The following TRPM3 variants were observed in gnomAD, a reference collection of about 807,000 sequenced individuals.
TRPM3 encodes transient receptor potential cation channel subfamily M member 3.
Under a neutral mutation model 181.2 loss-of-function variants are expected in TRPM3, and 77 were observed. The observed-to-expected ratio is 0.42, with a 90% CI of 0.35 to 0.51. The LOEUF (loss-of-function observed/expected upper bound fraction) is 0.51. Ranked by LOEUF, TRPM3 falls within the 20% of genes least tolerant of loss-of-function variation. TRPM3 has a pLI of 0.01. For missense variants in TRPM3, 1,759 were observed against 2,196.7 expected (o/e 0.80, Z 3.98); for synonymous variants, 745 against 796.4 (o/e 0.94, Z 1.09).
chr9:70,675,400 T>G (rs1407114413), intron 9 of TRPM3, among the ~76,000 whole-genome samples: 1 of 152,208 alleles, frequency 6.6e-6, no homozygotes, highest in African/African-American at 2.4e-5. Flanking sequence ...CAGGCCCATG[T>G]TATTTTTAAA....
At chr9:71,400,383 C>CA (rs1450911319) in intron 1 of TRPM3, among the ~76,000 whole-genome samples, 3 of 152,248 alleles carry the variant, frequency 2.0e-5, no homozygotes, top group Middle Eastern at 3.4e-3. Context: ...GTATTATACT[C>CA]AAAGTTTACT....
At chr9:71,183,558 C>G (rs1367207370) in intron 1 of TRPM3, among the ~76,000 whole-genome samples, 2 of 152,122 alleles carry the variant, frequency 1.3e-5, no homozygotes, top group African/African-American at 2.4e-5. Flanking sequence ...TTATTATATA[C>G]TAACCTATTC....
rs915976550 is a variant in TRPM3, at chr9:70,659,174, A to G, written c.1346-18514T>C. ...CACAACTGGAGAACCTGGTTATTTT[A>G]CCAAGACTTTGACTGGAATGGTGTG... On this transcript the variant is annotated intron_variant, in intron 9 of 25. Transcript: ENST00000677713. Among the ~76,000 whole-genome samples, 8 of 152,260 alleles carry G rather than the reference A, an allele frequency of 5.3e-5. No homozygotes were observed. In the East Asian group the frequency reaches 9.7e-4, roughly 18 times the overall value.
At chr9:71,373,411 A>G (rs772967659) in intron 1 of TRPM3, among the ~76,000 whole-genome samples, 5 of 151,974 alleles carry the variant, frequency 3.3e-5, no homozygotes, top group Non-Finnish European at 5.9e-5. Flanking sequence ...AGAGAGAAGA[A>G]TCAAATAAAC....
At chr9:70,696,044 CTGCT>C (rs2070298686) in intron 8 of TRPM3, among the ~76,000 whole-genome samples, 1 of 152,202 alleles carries the variant, frequency 6.6e-6, no homozygotes, top group Non-Finnish European at 1.5e-5. Flanking sequence ...ACTCCAGACA[CTGCT>C]TGCTTCAAAA....
intron 1 of TRPM3, among the ~76,000 whole-genome samples, chr9:71,105,901 C>A (rs1186871865): frequency 1.3e-5 from 2 of 152,118 alleles, no homozygotes; most frequent in Admixed American, 6.5e-5. Flanking sequence ...CATTAAAGAA[C>A]TTTCTAGGGT....
At chr9:71,330,959 A>C (rs1392569466) in intron 1 of TRPM3, among the ~76,000 whole-genome samples, 1 of 151,888 alleles carries the variant, frequency 6.6e-6, no homozygotes, top group Non-Finnish European at 1.5e-5. Flanking sequence ...CTGGGTCTCA[A>C]AAAACAGATT....
At chr9:71,020,493 A>G (rs80097022) in intron 1 of TRPM3, among the ~76,000 whole-genome samples, 2 of 151,838 alleles carry the variant, frequency 1.3e-5, no homozygotes, top group East Asian at 3.9e-4. Context: ...AAAAAAAAAA[A>G]TTCTGCTCAC....
intron 1 of TRPM3, among the ~76,000 whole-genome samples, chr9:71,079,935 C>A (rs1388623117): frequency 6.6e-6 from 1 of 152,116 alleles, no homozygotes; most frequent in African/African-American, 2.4e-5. Flanking sequence ...CTTTGGGAGG[C>A]CAAGGCGGGC....
At chr9:71,384,134 C>A (rs1472631909) in intron 1 of TRPM3, among the ~76,000 whole-genome samples, 2 of 152,134 alleles carry the variant, frequency 1.3e-5, no homozygotes, top group East Asian at 3.8e-4. Flanking sequence ...TGTTCATATA[C>A]ATCAGAAAAC....
chr9:71,181,290 T>C (rs1209111025), intron 1 of TRPM3, among the ~76,000 whole-genome samples: 1 of 152,080 alleles, frequency 6.6e-6, no homozygotes, highest in Non-Finnish European at 1.5e-5. Flanking sequence ...GAAAAGTAGA[T>C]GGCTTTTTAA....
intron 1 of TRPM3, among the ~76,000 whole-genome samples, chr9:70,907,368 C>G (rs2096482001): frequency 6.6e-6 from 1 of 152,154 alleles, no homozygotes; most frequent in African/African-American, 2.4e-5. Context: ...CATTTTAATA[C>G]TTTTTGTTGA....
At chr9:71,207,296 A>G (rs1341797099) in intron 1 of TRPM3, among the ~76,000 whole-genome samples, 1 of 152,164 alleles carries the variant, frequency 6.6e-6, no homozygotes, top group Non-Finnish European at 1.5e-5. Context: ...AAATGAGAAA[A>G]TATGTTTAAT....
At chr9:71,308,902 G>T (rs568980486) in intron 1 of TRPM3, among the ~76,000 whole-genome samples, 1 of 152,236 alleles carries the variant, frequency 6.6e-6, no homozygotes, top group East Asian at 1.9e-4. Context: ...GCACACCAAA[G>T]AATATGTCAT....
chr9:71,324,087 T>C (rs2132484552), intron 1 of TRPM3, among the ~76,000 whole-genome samples: 1 of 152,238 alleles, frequency 6.6e-6, no homozygotes, highest in South Asian at 2.1e-4. Context: ...CCTTATAGAG[T>C]TCATTCACTA....
rs551911627 is a variant in TRPM3, at chr9:70,676,837, C to T, written c.1345+4669G>A. ...CCTGTCTCTCACCTTTCATTCTCCC[C>T]CAAGGCAAGCCATGGAAACTGGAAA... On this transcript the variant is annotated intron_variant, in intron 9 of 25. Transcript: ENST00000677713. Among the ~76,000 whole-genome samples, 194 of 152,166 alleles carry T rather than the reference C, an allele frequency of 1.3e-3. 2 individuals carry two copies. The highest frequency in any genetic ancestry group is 6.8e-3 in the Middle Eastern group (2 of 294).
At chr9:70,775,927 T>G (rs2081275005) in intron 7 of TRPM3, 1 of 152,590 alleles carries the variant, frequency 6.6e-6, no homozygotes, top group East Asian at 1.9e-4. Flanking sequence ...AATTAACATA[T>G]GCATTAACTC....
chr9:71,407,761 A>T (rs889322554), intron 1 of TRPM3, among the ~76,000 whole-genome samples: 1 of 152,034 alleles, frequency 6.6e-6, no homozygotes, highest in East Asian at 1.9e-4. Context: ...CTGACTATGG[A>T]CAGAGTGCCT....
Position 71,031,166 on chromosome 9 carries a change from C to G in TRPM3, c.177+90012G>C, listed in dbSNP as rs74996436. ...CTTTAAAGATGAAAAAAACAAGATA[C>G]TTAATGAGAGTTTAGGAAAGATGTT... On this transcript the variant is annotated intron_variant, in intron 1 of 25. Transcript: ENST00000677713. 4.9e-3 allele frequency among the ~76,000 whole-genome samples: 753 copies of G among 152,262 alleles called. 18 individuals carry two copies. In the East Asian group the frequency reaches 0.078, roughly 16 times the overall value.
Sources: allele counts gnomAD v4.1 joint callset (sites outside exome capture counted in the v4.1 genomes callset), GRCh38; gene constraint gnomAD v4.1.1; transcripts MANE v1.5; gene names NCBI Gene and HGNC (gene_info 2026-07-23, HGNC 2026-07-21).